Variants in GOLM1 observed in about 807,000 individuals in gnomAD.
GOLM1 encodes golgi membrane protein 1.
In GOLM1, 31 loss-of-function variants were observed where a neutral mutation model predicts 50.5. The observed-to-expected ratio is 0.61, with a 90% confidence interval of 0.46 to 0.83. The LOEUF (loss-of-function observed/expected upper bound fraction) is 0.83, where lower values mean the gene tolerates loss of function less well. GOLM1 is among the 40% of genes least tolerant of loss of function. The probability of loss-of-function intolerance (pLI) is 0.00; values close to 1 mark genes in which losing one functional copy is unlikely to be tolerated. For missense variants in GOLM1, 491 were observed against 501.3 expected, an observed-to-expected ratio of 0.98 and a Z score of 0.20; for synonymous variants, 178 against 192.8, an observed-to-expected ratio of 0.92 and a Z score of 0.64.
chr9:86,100,142 G>A (rs545176167), upstream of GOLM1: 5 of 152,226 alleles, frequency 3.3e-5, no homozygotes, highest in Non-Finnish European at 7.3e-5. Context: ...AACGGAAAAA[G>A]TGAAGATTCC....
chr9:86,071,106 C>CACACACACAT (rs1554673928), intron 3 of GOLM1, among the ~76,000 whole-genome samples: 11 of 146,604 alleles, frequency 7.5e-5, no homozygotes, highest in Admixed American at 3.4e-4. Flanking sequence ...CACACACACA[C>CACACACACAT]GTATATTTAG....
intron 3 of GOLM1, among the ~76,000 whole-genome samples, chr9:86,062,441 TGAG>T (rs1406878569): frequency 1.7e-5 from 2 of 115,952 alleles, no homozygotes; most frequent in African/African-American, 3.4e-5. Flanking sequence ...CAAAGGATGG[TGAG>T]GAGAGGGAGA....
intron 1 of GOLM1, 62 bp from the exon 2 acceptor site, chr9:86,079,403 G>A (rs957540748): frequency 6.8e-6 from 9 of 1,317,496 alleles, no homozygotes; most frequent in Admixed American, 2.3e-5. Flanking sequence ...GAAGCAGACC[G>A]TATCATCCTT....
intron 3 of GOLM1, among the ~76,000 whole-genome samples, chr9:86,064,095 C>T (rs1016790037): frequency 2.0e-5 from 3 of 152,186 alleles, no homozygotes; most frequent in African/African-American, 7.2e-5. Context: ...GAGGTGAGGA[C>T]CCAGCACTAG....
In GOLM1 at chr9:86,026,460, G is replaced by T; in HGVS notation, c.*1357C>A. The stretch of plus-strand genomic sequence containing the variant: ...TGTGTGCCTGTAGTCCCAGCTACTC[G>T]GGAGTCTGTGTGAGGCCAGGGGTGC... On this transcript the variant is annotated 3_prime_UTR_variant, in exon 10 of 10. Transcript: ENST00000388712. 1.0e-6 allele frequency: 1 copy of T among 976,386 alleles called. No homozygotes were observed. 60.5% of individuals were successfully genotyped at this position (976,386 alleles called of 1,614,324 possible).
intron 4 of GOLM1, among the ~76,000 whole-genome samples, chr9:86,051,865 G>C (rs745742615): frequency 1.3e-5 from 2 of 152,074 alleles, no homozygotes; most frequent in Non-Finnish European, 2.9e-5. Context: ...ACCTGACTTA[G>C]AACTAGAATT....
intron 6 of GOLM1, among the ~76,000 whole-genome samples, chr9:86,038,391 G>A (rs1564341906): frequency 6.6e-6 from 1 of 152,104 alleles, no homozygotes; most frequent in African/African-American, 2.4e-5. Context: ...CCCTCACGAG[G>A]AGCGCATTAC....
rs1220403927 is a variant in GOLM1 at position 86,067,140 on chromosome 9, T to C, written c.309+10272A>G. Among the ~76,000 whole-genome samples, 5 of 152,212 alleles carry C rather than the reference T, an allele frequency of 3.3e-5. No individual in the cohort carries two copies. In the East Asian group the frequency reaches 9.6e-4, roughly 29 times the overall value. On this transcript the variant is annotated intron_variant, in intron 3 of 9. Coordinates refer to ENST00000388712, the MANE Select transcript of GOLM1 (RefSeq NM_016548.4). ...TAGTAGAGACGGCATTTCGCCATGC[T>C]GACTGAACTCCTGACCTCAAGTGAT...
At chr9:86,093,285 G>A (rs577459865) in intron 1 of GOLM1, among the ~76,000 whole-genome samples, 11 of 150,884 alleles carry the variant, frequency 7.3e-5, no homozygotes, top group African/African-American at 2.4e-4. Context: ...GCTGAGGCAG[G>A]AGAATCGCTT....
intron 4 of GOLM1, among the ~76,000 whole-genome samples, chr9:86,049,185 T>G (rs1024506687): frequency 3.9e-5 from 6 of 152,142 alleles, no homozygotes. Flanking sequence ...GGTTGTAGAT[T>G]TGTGGTATCA....
intron 1 of GOLM1, among the ~76,000 whole-genome samples, chr9:86,093,556 C>G (rs1198664262): frequency 2.3e-5 from 3 of 127,914 alleles, no homozygotes; most frequent in Non-Finnish European, 4.7e-5. Context: ...GGCGACAGAG[C>G]AAGATTTCTG....
intron 7 of GOLM1, among the ~76,000 whole-genome samples, chr9:86,035,883 C>CAAACA (rs1833121462): frequency 4.0e-5 from 4 of 99,440 alleles, no homozygotes; most frequent in African/African-American, 1.7e-4. Context: ...AAAAACAAAA[C>CAAACA]AAAAAAAAAA....
intron 6 of GOLM1, among the ~76,000 whole-genome samples, 171 bp downstream of exon 6, chr9:86,040,568 T>C (rs540253989): frequency 2.0e-5 from 3 of 152,324 alleles, no homozygotes; most frequent in African/African-American, 7.2e-5. Context: ...GTCAGAACCC[T>C]TGGTTAGGGT....
At chr9:86,065,933 G>A (rs141615940) in intron 3 of GOLM1, among the ~76,000 whole-genome samples, 1,929 of 152,100 alleles carry the variant, frequency 0.013, 16 homozygotes, top group Middle Eastern at 0.031. Flanking sequence ...CCAGCTACTC[G>A]GGAGGCTGAG....
chr9:86,041,239 C>G (rs912002408), intron 5 of GOLM1, among the ~76,000 whole-genome samples: 2 of 152,174 alleles, frequency 1.3e-5, no homozygotes, highest in Non-Finnish European at 2.9e-5. Flanking sequence ...ACAAGCCCCT[C>G]TGGACCATAC....
Position 86,027,512 on chromosome 9 carries a change from G to A in GOLM1, c.*305C>T. On this transcript the variant is annotated 3_prime_UTR_variant, in exon 10 of 10. Transcript: ENST00000388712. ...ACACAAAGTTATATTCCAGAATCAG[G>A]AAGCCCCGCTGTCGCCAACACTTGA... is the stretch of plus-strand genomic sequence containing the variant. The A allele has an allele frequency of 2.6e-6, 3 of 1,160,510 alleles. No individual in the cohort carries two copies. Among genetic ancestry groups the A allele is most frequent in the Non-Finnish European group, 3.2e-6 (3 of 940,418 alleles). 71.9% of individuals were successfully genotyped at this position (1,160,510 alleles called of 1,614,324 possible).
chr9:86,068,972 C>T lies in GOLM1; in HGVS notation c.309+8440G>A, dbSNP rs1056278927. ...GTAAGGTACAATAAGCCAACAATGT[C>T]TGGGTTTTTTTTTTTAACAATATGC... On this transcript the variant is annotated intron_variant, in intron 3 of 9. Transcript: ENST00000388712. Among the ~76,000 whole-genome samples, 5 of 131,344 alleles carry T rather than the reference C, an allele frequency of 3.8e-5. No homozygotes were observed. In the South Asian group the frequency reaches 1.2e-3, roughly 32 times the overall value. The allele number at this position is 131,344 out of a possible 152,430, so 86.2% of individuals were successfully genotyped here. A position where few individuals can be genotyped will look rare whatever the true frequency, so the allele number is the denominator to read the frequency against.
chr9:86,060,726 A>T (rs940432774), intron 3 of GOLM1, among the ~76,000 whole-genome samples: 5 of 151,792 alleles, frequency 3.3e-5, no homozygotes, highest in Non-Finnish European at 7.4e-5. Flanking sequence ...TAAAAATACA[A>T]AATTAACTGG....
intron 1 of GOLM1, among the ~76,000 whole-genome samples, chr9:86,097,430 TG>T (rs1222567366): frequency 3.9e-5 from 6 of 152,116 alleles, no homozygotes; most frequent in African/African-American, 1.4e-4. Context: ...GAAAAAGAAA[TG>T]TATCTTTTTT....
Sources: gnomAD v4.1 joint callset for allele counts (sites outside exome capture counted in the v4.1 genomes callset) on GRCh38, gnomAD v4.1.1 for gene constraint, MANE v1.5 for transcripts, NCBI Gene and HGNC (gene_info 2026-07-23, HGNC 2026-07-21) for gene names.